Variants in GLIS2 observed in about 807,000 individuals in gnomAD.
The protein encoded by GLIS2 is zinc finger protein GLIS2.
A neutral mutation model predicts 35.6 loss-of-function variants in GLIS2; 14 were observed. The ratio of observed to expected loss-of-function variants is 0.39; its 90% confidence interval spans 0.26 to 0.61. GLIS2 has a LOEUF of 0.61. GLIS2 is among the 20% of genes least tolerant of loss of function. GLIS2 has a pLI of 0.48. For missense variants in GLIS2, 675 were observed against 713.4 expected, an observed-to-expected ratio of 0.95 and a Z score of 0.61; for synonymous variants, 368 against 325.1, an observed-to-expected ratio of 1.13 and a Z score of -1.42.
At chr16:4,329,935 A>G (rs2053480444) in intron 1 of GLIS2, among the ~76,000 whole-genome samples, 1 of 152,136 alleles carries the variant, frequency 6.6e-6, no homozygotes, top group Non-Finnish European at 1.5e-5. Flanking sequence ...TGAAGTGTTG[A>G]CCTTGTTCTT....
chr16:4,336,570 T>C, intron 6 of GLIS2, 155 bp from the exon 7 acceptor site: 2 of 772,832 alleles, frequency 2.6e-6, no homozygotes, highest in Non-Finnish European at 4.4e-6. Flanking sequence ...TGGGGGCAGA[T>C]CTCATGCCAT....
chr16:4,318,714 CTGGCCTTGGCCCCGGGCGGT>C (rs1021908831), intron 1 of GLIS2, among the ~76,000 whole-genome samples: 2 of 152,268 alleles, frequency 1.3e-5, no homozygotes, highest in Admixed American at 6.5e-5. Context: ...CCTTCCCGGC[CTGGCCTTGGCCCCGGGCGGT>C]GGGAGTGTCC....
rs778583231 is a variant in GLIS2, at chr16:4,337,291, C to T, written c.1342C>T (p.Arg448Cys). The T allele has an allele frequency of 1.4e-5, 21 of 1,554,132 alleles. No homozygotes were observed. Among genetic ancestry groups the T allele is most frequent in the South Asian group, 8.3e-5 (7 of 84,542 alleles). Reference protein sequence around the residue: ...AGGKAEGEKGRGSVPTRALGM... With the variant: ...AGGKAEGEKGCGSVPTRALGM... Reference sequence around the variant, plus strand: ...TGGCAAGGCCGAGGGGGAGAAGGGGCGTGGGTCGGTGCCCACCAGGGCCCT... The same window carrying T: ...TGGCAAGGCCGAGGGGGAGAAGGGGTGTGGGTCGGTGCCCACCAGGGCCCT... The change falls in exon 7 of 7, where the codon CGT becomes TGT. Residue 448 changes from arginine to cysteine, a missense_variant. Arg to Cys is a radical substitution (Grantham distance 180, BLOSUM62 -3). Transcript: ENST00000433375.
At chr16:4,331,200 T>C (rs2053493342) in intron 1 of GLIS2, among the ~76,000 whole-genome samples, 1 of 152,070 alleles carries the variant, frequency 6.6e-6, no homozygotes, top group African/African-American at 2.4e-5. Context: ...CAGGATGGTC[T>C]CTATCTCCTG....
Position 4,320,853 on chromosome 16 carries a change from G to A in GLIS2, c.-67+4599G>A, listed in dbSNP as rs2053371105. On this transcript the variant is annotated intron_variant, in intron 1 of 6. Coordinates refer to ENST00000433375, the MANE Select transcript of GLIS2 (RefSeq NM_032575.3). The surrounding 1 kb of genome is among the most constrained non-coding windows in gnomAD (Gnocchi z 5.6). ...ACCCTGTGCTGGTGCTCGTCTCCCT[G>A]CCAGCCCCGGCCTCCCCCAGCACCC... is the stretch of plus-strand genomic sequence containing the variant. 6.6e-6 allele frequency among the ~76,000 whole-genome samples: 1 copy of A among 152,042 alleles called. No individual in the cohort carries two copies.
At position 4,333,367 on chromosome 16, in the gene GLIS2, T is replaced by A. The variant is rs763215627; in HGVS notation, c.193T>A (p.Phe65Ile). The change falls in exon 3 of 7, where the codon TTC becomes ATC. Residue 65 changes from phenylalanine to isoleucine, a missense_variant. Phe to Ile is a conservative substitution (Grantham distance 21, BLOSUM62 0). This residue lies in a region of GLIS2 where 225 missense variants were observed against 238.7 expected (regional missense o/e 0.94). Coordinates refer to ENST00000433375, the MANE Select transcript of GLIS2 (RefSeq NM_032575.3). The stretch of plus-strand genomic sequence containing the variant: ...CTCAGGCTTCCTGCTGAACTCCAAG[T>A]TCCCCGAGAAGGTGGAGGGACGCTT... ...PPSGFLLNSK[F>I]PEKVEGRFSA... 6.2e-7 allele frequency: 1 copy of A among 1,612,882 alleles called. No individual in the cohort carries two copies. Among genetic ancestry groups the A allele is most frequent in the Non-Finnish European group, 8.5e-7 (1 of 1,179,970 alleles).
intron 1 of GLIS2, among the ~76,000 whole-genome samples, chr16:4,317,104 G>T (rs1261015349): frequency 1.3e-5 from 2 of 152,192 alleles, no homozygotes; most frequent in African/African-American, 4.8e-5. Context: ...TGTCCAGGAG[G>T]GCCCGCCCAG....
chr16:4,332,233 G>C lies in GLIS2; in HGVS notation c.-48G>C. 2 of 1,599,556 alleles carry C rather than the reference G, an allele frequency of 1.3e-6. No homozygotes were observed. The highest frequency in any genetic ancestry group is 2.7e-5 in the African/African-American group (2 of 74,744). On this transcript the variant is annotated 5_prime_UTR_variant, in exon 2 of 7. Coordinates refer to ENST00000433375, the MANE Select transcript of GLIS2 (RefSeq NM_032575.3). The surrounding 1 kb of genome is among the most constrained non-coding windows in gnomAD (Gnocchi z 5.4). ...TCCCCAGGTTCCTGCGTGAAGACCA[G>C]CTGGGAGCCCACTGCCTGCTGCCAC...
Position 4,337,429 on chromosome 16 carries a change from G to T in GLIS2, c.1480G>T (p.Val494Phe). The T allele has an allele frequency of 6.3e-7, 1 of 1,583,712 alleles. No individual in the cohort carries two copies. Among genetic ancestry groups the T allele is most frequent in the Non-Finnish European group, 8.6e-7 (1 of 1,167,144 alleles). ...PGTVLDLSTG[V>F]NSAASSPEAL... ...CACCGTGCTGGACCTGTCCACGGGC[G>T]TCAACTCAGCTGCCAGCAGCCCAGA... is the stretch of plus-strand genomic sequence containing the variant. The change falls in exon 7 of 7, where the codon GTC becomes TTC. Residue 494 changes from valine (V) to phenylalanine (F), a missense_variant. Transcript: ENST00000433375.
At chr16:4,316,310 G>GA (rs1567214714) in intron 1 of GLIS2, among the ~76,000 whole-genome samples, 56 bp downstream of exon 1, 4 of 144,136 alleles carry the variant, frequency 2.8e-5, no homozygotes, top group African/African-American at 1.0e-4. Context: ...GGGGGGGGGG[G>GA]GGCCCGCCTG....
Position 4,336,924 on chromosome 16 carries a change from G to T in GLIS2, c.975G>T (p.Gln325His). Residue 325 changes from glutamine (Q) to histidine (H), a missense_variant, in exon 7 of 7, where the codon CAG becomes CAT. By Grantham distance (24) the Gln-to-His change is conservative. This residue lies in a region of GLIS2 where 317 missense variants were observed against 283.2 expected (regional missense o/e 1.12). Transcript: ENST00000433375. ...KAHGHFVSHE[Q>H]QELLQLRPPP... ...ATGGCCACTTTGTGTCCCACGAGCA[G>T]CAAGAGCTCCTGCAGCTGCGCCCAC... 6.2e-7 allele frequency: 1 copy of T among 1,612,696 alleles called. No homozygotes were observed. Among genetic ancestry groups the T allele is most frequent in the Non-Finnish European group, 8.5e-7 (1 of 1,179,932 alleles).
intron 1 of GLIS2, among the ~76,000 whole-genome samples, chr16:4,322,678 G>A (rs1449980151): frequency 6.8e-6 from 1 of 147,332 alleles, no homozygotes; most frequent in Non-Finnish European, 1.5e-5. Flanking sequence ...CTCAAGGTCC[G>A]GTTCGATCTA....
Position 4,335,058 on chromosome 16 carries a change from A to G in GLIS2, c.523-2A>G. On this transcript the variant is annotated splice_acceptor_variant, in intron 4 of 6. Transcript: ENST00000433375. LOFTEE classifies it high-confidence loss of function. This position sits in a 1 kb window ranked among gnomAD's most constrained non-coding sequence, Gnocchi z 4.6. ...GCTCAGAACACTTCCCATCCTCCGC[A>G]GTGTAACCAGCTCTTTGAGCTCCTG... 6.2e-7 allele frequency: 1 copy of G among 1,613,430 alleles called. No individual in the cohort carries two copies. The highest frequency in any genetic ancestry group is 1.1e-5 in the South Asian group (1 of 91,086).
At chr16:4,324,426 G>A (rs891806800) in intron 1 of GLIS2, among the ~76,000 whole-genome samples, 2 of 152,234 alleles carry the variant, frequency 1.3e-5, no homozygotes, top group Non-Finnish European at 2.9e-5. Context: ...GGCTCTGGAA[G>A]GTGGTTAGGG....
chr16:4,334,726 C>T, intron 3 of GLIS2, 75 bp from the exon 4 acceptor site: 1 of 1,560,150 alleles, frequency 6.4e-7, no homozygotes, highest in Non-Finnish European at 8.8e-7. Flanking sequence ...TTGGGGACAC[C>T]ATTCAGTCCA....
intron 1 of GLIS2, among the ~76,000 whole-genome samples, chr16:4,328,877 A>G (rs534263904): frequency 9.0e-4 from 134 of 149,574 alleles, no homozygotes; most frequent in African/African-American, 3.0e-3. Context: ...CAGGTGCCAA[A>G]GGATGTTGCT....
chr16:4,333,823 C>A (rs1175604515), intron 3 of GLIS2, among the ~76,000 whole-genome samples: 1 of 152,132 alleles, frequency 6.6e-6, no homozygotes, highest in African/African-American at 2.4e-5. Flanking sequence ...TATAAAGACA[C>A]CAGTCATGGC....
intron 1 of GLIS2, among the ~76,000 whole-genome samples, chr16:4,317,741 C>T (rs1423896084): frequency 6.6e-6 from 1 of 152,188 alleles, no homozygotes; most frequent in African/African-American, 2.4e-5. Context: ...CTGCCCACCT[C>T]CAGCTCAACT....
rs759679058 is a variant in GLIS2, at chr16:4,332,298, G to A, written c.18G>A (p.Glu6=). 4.3e-6 allele frequency: 7 copies of A among 1,612,940 alleles called. No homozygotes were observed. The Admixed American group carries it at 6.7e-5, about 15-fold the overall frequency. The part of the protein sequence containing the change: MHSLD[E]PLDLKLSITK... ...CCCTCACCATGCACTCCCTGGACGAGCCGCTCGACCTGAAGCTGAGTATCA... is the reference window on the plus strand; with the variant it reads ...CCCTCACCATGCACTCCCTGGACGAACCGCTCGACCTGAAGCTGAGTATCA... The change falls in exon 2 of 7, where the codon GAG becomes GAA. Residue 6 remains glutamate, a synonymous_variant. Transcript: ENST00000433375. The surrounding 1 kb of genome is among the most constrained non-coding windows in gnomAD (Gnocchi z 5.4).
Sources: allele counts gnomAD v4.1 joint callset (sites outside exome capture counted in the v4.1 genomes callset), GRCh38; gene constraint gnomAD v4.1.1; regional missense constraint gnomAD v4.1.1; non-coding constraint Gnocchi (gnomAD v3.1); transcripts MANE v1.5; gene names NCBI Gene and HGNC (gene_info 2026-07-23, HGNC 2026-07-21).